The following DMXL1 variants were observed in gnomAD, a reference collection of about 807,000 sequenced individuals.
DMXL1 encodes the protein Dmx like 1.
In DMXL1, 99 loss-of-function variants were observed where a neutral mutation model predicts 319.2. The observed-to-expected ratio is 0.31, with a 90% CI of 0.26 to 0.37. The LOEUF is 0.37. Ranked by LOEUF, DMXL1 falls within the 10% of genes least tolerant of loss-of-function variation. The pLI, the probability that DMXL1 is intolerant of heterozygous loss-of-function variation, is 1.00. For synonymous variants in DMXL1, 1,385 were observed against 1,235.2 expected, an observed-to-expected ratio of 1.12 and a Z score of -2.54; for missense variants, 3,745 against 3,595.6, an observed-to-expected ratio of 1.04 and a Z score of -1.06.
At chr5:119,158,341 T>C (rs78873821) in intron 19 of DMXL1, among the ~76,000 whole-genome samples, 1,761 of 152,332 alleles carry the variant, frequency 0.012, 19 homozygotes, top group Admixed American at 0.019. Context: ...CCTTCATGTT[T>C]AATGTAGTTG....
At chr5:119,079,098 A>G (rs11742151) in intron 1 of DMXL1, among the ~76,000 whole-genome samples, 6,026 of 152,166 alleles carry the variant, frequency 0.04, 179 homozygotes, top group Non-Finnish European at 0.065. Flanking sequence ...CCAACCTCAA[A>G]TGGGACCTCA....
chr5:119,175,346 C>A lies in DMXL1; in HGVS notation c.6758+9C>A, dbSNP rs140577206. Reference sequence around the variant, plus strand: ...GGTAGTCATAACTACAGGTAACTATCTTTTTATGAAATTTAAGAATGCTTA... The same window carrying A: ...GGTAGTCATAACTACAGGTAACTATATTTTTATGAAATTTAAGAATGCTTA... On this transcript the variant is annotated intron_variant, in intron 26 of 43. Coordinates refer to ENST00000539542, the MANE Select transcript of DMXL1 (RefSeq NM_001290321.3). 16 of 1,595,900 alleles carry A rather than the reference C, an allele frequency of 1.0e-5. No individual in the cohort carries two copies. The East Asian group carries it at 3.4e-4, about 34-fold the overall frequency.
chr5:119,194,784 G>T (rs971578040), intron 30 of DMXL1, among the ~76,000 whole-genome samples: 34 of 152,162 alleles, frequency 2.2e-4, no homozygotes, highest in African/African-American at 6.8e-4. Flanking sequence ...GCTGGGCATG[G>T]TGGCCTATGC....
chr5:119,121,208 C>A, intron 9 of DMXL1, 69 bp downstream of exon 9: 1 of 1,300,106 alleles, frequency 7.7e-7, no homozygotes, highest in Non-Finnish European at 1.0e-6. Flanking sequence ...CTAAGTTATA[C>A]TTTTAGTTTT....
chr5:119,198,791 G>A (rs1018548101), intron 32 of DMXL1, among the ~76,000 whole-genome samples: 2 of 152,174 alleles, frequency 1.3e-5, no homozygotes, highest in Non-Finnish European at 2.9e-5. Context: ...TAGACCAGTG[G>A]AACAAAATAG....
chr5:119,121,315 G>A (rs1204602568), intron 9 of DMXL1, among the ~76,000 whole-genome samples, 176 bp downstream of exon 9: 3 of 149,360 alleles, frequency 2.0e-5, no homozygotes, highest in Admixed American at 2.0e-4. Context: ...ATCATTCTTG[G>A]GTGTTTCTTG....
At chr5:119,239,715 G>A (rs1788403507) in intron 41 of DMXL1, among the ~76,000 whole-genome samples, 2 of 152,124 alleles carry the variant, frequency 1.3e-5, no homozygotes, top group African/African-American at 4.8e-5. Context: ...CAGCACTTTG[G>A]GAGGCCGAGG....
At chr5:119,175,990 G>A (rs1259287931) in intron 26 of DMXL1, among the ~76,000 whole-genome samples, 1 of 151,508 alleles carries the variant, frequency 6.6e-6, no homozygotes, top group East Asian at 1.9e-4. Context: ...GCAACTTCTG[G>A]GTCATTTCTT....
At chr5:119,084,143 C>T (rs534970398) in intron 1 of DMXL1, among the ~76,000 whole-genome samples, 22 of 149,596 alleles carry the variant, frequency 1.5e-4, no homozygotes, top group South Asian at 8.5e-4. Context: ...TTTTTTAAGA[C>T]GGAGTCTTGT....
intron 17 of DMXL1, among the ~76,000 whole-genome samples, chr5:119,148,096 G>A (rs550415380): frequency 2.0e-5 from 3 of 152,258 alleles, no homozygotes; most frequent in African/African-American, 7.2e-5. Flanking sequence ...TATGTTTTAG[G>A]AAACTAATAG....
intron 21 of DMXL1, among the ~76,000 whole-genome samples, chr5:119,165,736 G>A (rs12653870): frequency 0.48 from 73,313 of 151,976 alleles, 18,615 homozygotes; most frequent in East Asian, 0.96. Flanking sequence ...GAGCTTGTGC[G>A]GGGAAACTCC....
chr5:119,176,917 TA>T (rs1324889203), intron 26 of DMXL1, among the ~76,000 whole-genome samples: 3 of 152,130 alleles, frequency 2.0e-5, no homozygotes, highest in African/African-American at 7.2e-5. Context: ...ATGATAACAT[TA>T]TTTGTGTTTT....
chr5:119,229,132 T>C (rs1184911134), intron 38 of DMXL1, among the ~76,000 whole-genome samples: 1 of 144,070 alleles, frequency 6.9e-6, no homozygotes, highest in Non-Finnish European at 1.5e-5. Flanking sequence ...CTGGGCAATA[T>C]AGGGAGACCC....
chr5:119,209,253 T>C (rs1782305843), intron 34 of DMXL1, among the ~76,000 whole-genome samples: 1 of 152,206 alleles, frequency 6.6e-6, no homozygotes, highest in Non-Finnish European at 1.5e-5. Flanking sequence ...TGTGTAGGTA[T>C]ATGTTAAACG....
chr5:119,142,460 A>T (rs1767594669), intron 13 of DMXL1, among the ~76,000 whole-genome samples: 1 of 151,736 alleles, frequency 6.6e-6, no homozygotes, highest in South Asian at 2.1e-4. Flanking sequence ...AGAAATGCAG[A>T]TAAAAACCGC....
At chr5:119,129,756 C>G (rs1428839161) in intron 10 of DMXL1, among the ~76,000 whole-genome samples, 1 of 152,126 alleles carries the variant, frequency 6.6e-6, no homozygotes, top group Non-Finnish European at 1.5e-5. Flanking sequence ...CCCACCAAAC[C>G]AGAATCTGCA....
At position 119,150,254 on chromosome 5, in the gene DMXL1, A is replaced by G. The variant is rs140357865; in HGVS notation, c.4427A>G (p.Tyr1476Cys). The change falls in exon 18 of 44, where the codon TAC (tyrosine) becomes TGC (cysteine). Residue 1476 changes from tyrosine to cysteine, a missense_variant. Around this residue, in one of 4 missense-constraint regions of DMXL1, gnomAD observed 2,096 missense variants for 1,985.4 expected, o/e 1.06. Coordinates refer to ENST00000539542, the MANE Select transcript of DMXL1 (RefSeq NM_001290321.3). ...TKPRVIDLSQYSPTYFGPEHA... is the reference protein window; with the variant it reads ...TKPRVIDLSQCSPTYFGPEHA... The stretch of plus-strand genomic sequence containing the variant: ...CCTAGAGTTATTGACCTTTCACAGT[A>G]CAGTCCGACTTACTTTGGACCTGAG... The G allele has an allele frequency of 6.1e-4, 985 of 1,613,882 alleles. 10 individuals are homozygous for G. In the African/African-American group the frequency reaches 0.011, roughly 19 times the overall value.
intron 19 of DMXL1, among the ~76,000 whole-genome samples, chr5:119,157,063 G>A (rs1771256022): frequency 6.6e-6 from 1 of 151,492 alleles, no homozygotes; most frequent in Admixed American, 6.6e-5. Flanking sequence ...TGTTGCCCAG[G>A]CTGGAGTCAA....
intron 6 of DMXL1, among the ~76,000 whole-genome samples, chr5:119,115,803 C>T (rs1185423968): frequency 6.6e-6 from 1 of 152,204 alleles, no homozygotes; most frequent in African/African-American, 2.4e-5. Flanking sequence ...TAGCAGTCTT[C>T]ATAAGTCTGC....
Sources: gnomAD v4.1 joint callset for allele counts (sites outside exome capture counted in the v4.1 genomes callset) on GRCh38, gnomAD v4.1.1 for gene constraint, gnomAD v4.1.1 regional missense constraint, MANE v1.5 for transcripts, NCBI Gene and HGNC (gene_info 2026-07-23, HGNC 2026-07-21) for gene names.